HIVEP3: variants seen among roughly 807,000 people sequenced by gnomAD.
HIVEP3 encodes the protein HIVEP zinc finger 3.
In HIVEP3, 49 loss-of-function variants were observed where a neutral mutation model predicts 152.8. The ratio of observed to expected loss-of-function variants is 0.32; its 90% CI spans 0.26 to 0.41. The LOEUF (loss-of-function observed/expected upper bound fraction) is 0.41. Among genes scored for constraint, HIVEP3 ranks in the 10% least tolerant of loss-of-function variants. The pLI, the probability that HIVEP3 is intolerant of heterozygous loss-of-function variation, is 1.00. For missense variants in HIVEP3, 2,790 were observed against 3,103.3 expected, an observed-to-expected ratio of 0.90 and a Z score of 2.40; for synonymous variants, 1,269 against 1,289.0, an observed-to-expected ratio of 0.98 and a Z score of 0.33.
intron 1 of HIVEP3, among the ~76,000 whole-genome samples, chr1:42,001,683 G>A (rs1645428687): frequency 1.3e-5 from 2 of 152,190 alleles, no homozygotes; most frequent in Admixed American, 6.5e-5. Context: ...CACTTAAGCT[G>A]AGGTTAATCA....
chr1:41,840,864 C>T (rs1163208495), intron 1 of HIVEP3, among the ~76,000 whole-genome samples: 1 of 152,206 alleles, frequency 6.6e-6, no homozygotes, highest in African/African-American at 2.4e-5. Context: ...ACTCAAATTC[C>T]ATAACTTTCT....
intron 5 of HIVEP3, among the ~76,000 whole-genome samples, chr1:41,545,713 CCACCACCAA>C (rs1643779652): frequency 6.9e-6 from 1 of 145,684 alleles, no homozygotes; most frequent in African/African-American, 2.6e-5. Context: ...ACCACCACCA[CCACCACCAA>C]TACCACTACC....
Position 41,511,106 on chromosome 1 carries a change from C to G in HIVEP3, c.6566G>C (p.Arg2189Pro), listed in dbSNP as rs531744210. The G allele has an allele frequency of 9.3e-6, 15 of 1,614,010 alleles. No individual in the cohort carries two copies. In the African/African-American group the frequency reaches 1.9e-4, roughly 20 times the overall value. Reference protein sequence around the residue: ...HLPLHSQHLTRAPCPLIPIGG... With the variant: ...HLPLHSQHLTPAPCPLIPIGG... ...GATGGGAATCAAGGGACATGGGGCA[C>G]GGGTCAAGTGCTGGGAGTGCAGAGG... Residue 2189 changes from arginine (R) to proline (P), a missense_variant, in exon 9 of 9, where the codon CGT becomes CCT. This residue lies in a region of HIVEP3 where 816 missense variants were observed against 806.5 expected (regional missense o/e 1.01). Transcript: ENST00000372583. This position sits in a 1 kb window ranked among gnomAD's most constrained non-coding sequence, Gnocchi z 4.9.
chr1:41,632,617 G>A (rs1293960870), intron 2 of HIVEP3, among the ~76,000 whole-genome samples: 2 of 152,106 alleles, frequency 1.3e-5, no homozygotes, highest in Non-Finnish European at 2.9e-5. Flanking sequence ...TTAGCCAGGC[G>A]TGGTGGCACA....
At chr1:41,936,660 CACAAAT>C (rs1169967664) in intron 1 of HIVEP3, among the ~76,000 whole-genome samples, 2 of 152,178 alleles carry the variant, frequency 1.3e-5, no homozygotes, top group East Asian at 1.9e-4. Flanking sequence ...CCTGATGATG[CACAAAT>C]ACAAAGTGTG....
At chr1:41,948,274 G>A (rs962858705) in intron 1 of HIVEP3, among the ~76,000 whole-genome samples, 3 of 152,266 alleles carry the variant, frequency 2.0e-5, no homozygotes, top group South Asian at 2.1e-4. Context: ...GCCCTCACTC[G>A]GGCACTAGAA....
At chr1:41,572,567 T>A (rs2149097703) in intron 5 of HIVEP3, among the ~76,000 whole-genome samples, 1 of 152,254 alleles carries the variant, frequency 6.6e-6, no homozygotes, top group African/African-American at 2.4e-5. Context: ...CTTGGTGTAG[T>A]CCCCAAGCAC....
intron 3 of HIVEP3, among the ~76,000 whole-genome samples, chr1:41,605,863 T>C (rs34174267): frequency 0.091 from 13,898 of 152,218 alleles, 691 homozygotes; most frequent in Middle Eastern, 0.18. Flanking sequence ...GCTTTCAGAT[T>C]TGTTTATTTA....
At chr1:41,628,709 C>A in intron 3 of HIVEP3, 40 bp downstream of exon 3, 1 of 1,210,830 alleles carries the variant, frequency 8.3e-7, no homozygotes, top group Non-Finnish European at 1.0e-6. Flanking sequence ...ACCAACATGG[C>A]GCCTGGCAAG....
chr1:42,027,354 C>G (rs1238969929), intron 1 of HIVEP3, among the ~76,000 whole-genome samples: 1 of 152,212 alleles, frequency 6.6e-6, no homozygotes, highest in Non-Finnish European at 1.5e-5. Flanking sequence ...AGTTTTCCTG[C>G]TTCACCTTAG....
intron 3 of HIVEP3, among the ~76,000 whole-genome samples, chr1:41,585,947 GC>G (rs933715835): frequency 5.9e-5 from 9 of 152,248 alleles, no homozygotes; most frequent in Admixed American, 3.3e-4. Context: ...ATCATTCACT[GC>G]TTTTTACCCC....
At chr1:41,679,554 A>G (rs1646007778) in intron 2 of HIVEP3, among the ~76,000 whole-genome samples, 1 of 152,184 alleles carries the variant, frequency 6.6e-6, no homozygotes, top group Admixed American at 6.5e-5. Context: ...GACTGGTGGC[A>G]GGGATGGAGG....
At chr1:41,592,068 C>T (rs946077053) in intron 3 of HIVEP3, among the ~76,000 whole-genome samples, 1 of 152,168 alleles carries the variant, frequency 6.6e-6, no homozygotes, top group African/African-American at 2.4e-5. Context: ...GAGTAGCACA[C>T]CTGGTGAGAG....
chr1:41,611,851 G>C (rs1368569801), intron 3 of HIVEP3, among the ~76,000 whole-genome samples: 1 of 152,182 alleles, frequency 6.6e-6, no homozygotes, highest in East Asian at 1.9e-4. Flanking sequence ...TGACATTCTG[G>C]ATGCTTCTCC....
At chr1:41,622,711 G>A (rs937834211) in intron 3 of HIVEP3, among the ~76,000 whole-genome samples, 2 of 152,152 alleles carry the variant, frequency 1.3e-5, no homozygotes, top group African/African-American at 4.8e-5. Flanking sequence ...CAGATAGCAG[G>A]GTCAGATTTG....
rs998972000 is a variant in HIVEP3, at chr1:41,854,517, C to CTTTTT, written c.-801+63891_-801+63895dup. 2.3e-4 allele frequency among the ~76,000 whole-genome samples: 24 copies of CTTTTT among 103,634 alleles called. 1 individual carries two copies. The highest frequency in any genetic ancestry group is 9.2e-4 in the African/African-American group (22 of 23,812). The allele number at this position is 103,634 out of a possible 152,430, so 68.0% of individuals were successfully genotyped here. ...TCCCTCTTGGCATATTCTTGCTGCA[C>CTTTTT]TTTTTTTTTTTTTTTTTTTTTTATA... On this transcript the variant is annotated intron_variant, in intron 1 of 8. Coordinates refer to ENST00000372583, the MANE Select transcript of HIVEP3 (RefSeq NM_024503.5).
chr1:41,963,890 A>C (rs1388998877), intron 1 of HIVEP3, among the ~76,000 whole-genome samples: 1 of 152,236 alleles, frequency 6.6e-6, no homozygotes. Context: ...ATTCTGACGT[A>C]ATATGACTAG....
At chr1:41,974,927 G>A (rs1202533745) in intron 1 of HIVEP3, among the ~76,000 whole-genome samples, 1 of 152,086 alleles carries the variant, frequency 6.6e-6, no homozygotes, top group Non-Finnish European at 1.5e-5. Context: ...CAGGACTGAG[G>A]TGAAGGGCTG....
chr1:41,840,894 A>C (rs934577449), intron 1 of HIVEP3, among the ~76,000 whole-genome samples: 4 of 152,212 alleles, frequency 2.6e-5, no homozygotes, highest in African/African-American at 7.2e-5. Context: ...ATTTTAAAAC[A>C]ATATCAGAAG....
Sources: gnomAD v4.1 joint callset for allele counts (sites outside exome capture counted in the v4.1 genomes callset) on GRCh38, gnomAD v4.1.1 for gene constraint, gnomAD v4.1.1 regional missense constraint, Gnocchi (gnomAD v3.1) non-coding constraint, MANE v1.5 for transcripts, NCBI Gene and HGNC (gene_info 2026-07-23, HGNC 2026-07-21) for gene names.